RACK1: variants seen among roughly 807,000 people sequenced by gnomAD.
RACK1 encodes the protein receptor for activated C kinase 1.
In RACK1, 3 loss-of-function variants were observed where a neutral mutation model predicts 42.2. The observed-to-expected ratio is 0.07, with a 90% CI of 0.03 to 0.18. The LOEUF (loss-of-function observed/expected upper bound fraction) is 0.18, where lower values mean the gene tolerates loss of function less well. Among genes scored for constraint, RACK1 ranks in the 10% least tolerant of loss-of-function variants. The pLI, the probability that RACK1 is intolerant of heterozygous loss-of-function variation, is 1.00. For missense variants in RACK1, 146 were observed against 403.2 expected, an observed-to-expected ratio of 0.36 and a Z score of 5.46; for synonymous variants, 181 against 154.8, an observed-to-expected ratio of 1.17 and a Z score of -1.25.
Position 181,236,948 on chromosome 5 carries a change from T to C in RACK1, c.*29A>G. 1 of 1,567,308 alleles carries C rather than the reference T, an allele frequency of 6.4e-7. No homozygotes were observed. The highest frequency in any genetic ancestry group is 8.6e-7 in the Non-Finnish European group (1 of 1,162,844). On this transcript the variant is annotated 3_prime_UTR_variant, in exon 8 of 8. Coordinates refer to ENST00000512805, the MANE Select transcript of RACK1 (RefSeq NM_006098.5). The stretch of plus-strand genomic sequence containing the variant: ...TAAAAGTCAGAAAAGCCAGTTTTTT[T>C]TTTATTTGTAAAGCTCTGCCATAAA...
intron 1 of RACK1, 170 bp downstream of exon 1, chr5:181,243,522 G>A (rs918220284): frequency 2.1e-6 from 3 of 1,404,542 alleles, no homozygotes; most frequent in Non-Finnish European, 2.9e-6. Flanking sequence ...CCGGGTTGAG[G>A]CCTAGGCTCG....
intron 6 of RACK1, 139 bp from the exon 7 acceptor site, chr5:181,237,858 G>C: frequency 1.5e-6 from 1 of 660,902 alleles, no homozygotes; most frequent in Non-Finnish European, 2.7e-6. Context: ...TGCATTTTCA[G>C]TTGCCACTAG....
chr5:181,243,089 T>C, intron 1 of RACK1: 1 of 398,662 alleles, frequency 2.5e-6, no homozygotes, highest in Non-Finnish European at 4.7e-6. Context: ...TACTGAAACC[T>C]GTCCCACTCA....
At chr5:181,242,558 A>G (rs781387972) in intron 1 of RACK1, 2 of 659,046 alleles carry the variant, frequency 3.0e-6, no homozygotes, top group Non-Finnish European at 5.6e-6. Context: ...CTGTACCCTG[A>G]TAACTTTTTT....
chr5:181,238,571 G>A (rs772915685), intron 5 of RACK1: 5 of 339,304 alleles, frequency 1.5e-5, no homozygotes, highest in East Asian at 1.6e-4. Context: ...TTGGGAAGCC[G>A]AGGTGGGCGG....
Position 181,241,503 on chromosome 5 carries a change from A to G in RACK1, c.418T>C (p.Tyr140His). 6.2e-7 allele frequency: 1 copy of G among 1,611,738 alleles called. No homozygotes were observed. The highest frequency in any genetic ancestry group is 8.5e-7 in the Non-Finnish European group (1 of 1,179,284). Residue 140 changes from tyrosine to histidine, a missense_variant, in exon 3 of 8, where the codon TAC (tyrosine) becomes CAC (histidine). Coordinates refer to ENST00000512805, the MANE Select transcript of RACK1 (RefSeq NM_006098.5). ...KLWNTLGVCK[Y>H]TVQDESHSEW... Reference sequence around the variant, plus strand: ...ATGGCTCACTTTACCTGGACAGTGTATTTGCACACACCCAGGGTATTCCAT... The same window carrying G: ...ATGGCTCACTTTACCTGGACAGTGTGTTTGCACACACCCAGGGTATTCCAT...
At position 181,239,610 on chromosome 5, in the gene RACK1, C is replaced by T. The variant is rs1302507842; in HGVS notation, c.430-28G>A. 3 of 1,446,518 alleles carry T rather than the reference C, an allele frequency of 2.1e-6. No homozygotes were observed. In the African/African-American group the frequency reaches 4.2e-5, roughly 20 times the overall value. 89.6% of individuals were successfully genotyped at this position (1,446,518 alleles called of 1,614,324 possible). On this transcript the variant is annotated intron_variant, in intron 3 of 7. Coordinates refer to ENST00000512805, the MANE Select transcript of RACK1 (RefSeq NM_006098.5). ...ACAGAAGATGGAAAGGAAATTAGGGCAAACAGTCCTATCCCATGAAATGCT... is the reference window on the plus strand; with the variant it reads ...ACAGAAGATGGAAAGGAAATTAGGGTAAACAGTCCTATCCCATGAAATGCT...
chr5:181,239,674 G>C, intron 3 of RACK1, 92 bp from the exon 4 acceptor site: 1 of 761,486 alleles, frequency 1.3e-6, no homozygotes, highest in South Asian at 1.7e-5. Context: ...ATGATGGCTG[G>C]CAGCACCTTT....
At position 181,236,908 on chromosome 5, in the gene RACK1, T is replaced by C. The variant is rs900001120; in HGVS notation, c.*69A>G. On this transcript the variant is annotated 3_prime_UTR_variant, in exon 8 of 8. Coordinates refer to ENST00000512805, the MANE Select transcript of RACK1 (RefSeq NM_006098.5). Reference sequence around the variant, plus strand: ...AGATAGAATGGAGCTTTTTTGCATATAAGAAAAAAAAACCTAAAAGTCAGA... The same window carrying C: ...AGATAGAATGGAGCTTTTTTGCATACAAGAAAAAAAAACCTAAAAGTCAGA... 13 of 1,528,836 alleles carry C rather than the reference T, an allele frequency of 8.5e-6. No individual in the cohort carries two copies. The African/African-American group carries it at 1.6e-4, about 18-fold the overall frequency. The allele number at this position is 1,528,836 out of a possible 1,614,324, so 94.7% of individuals were successfully genotyped here. A position where few individuals can be genotyped will look rare whatever the true frequency, so the allele number is the denominator to read the frequency against.
At chr5:181,240,661 G>A (rs545290324) in intron 3 of RACK1, among the ~76,000 whole-genome samples, 25 of 150,512 alleles carry the variant, frequency 1.7e-4, no homozygotes, top group South Asian at 4.2e-4. Flanking sequence ...CCAAATCTGC[G>A]ATCTAGCCCA....
At chr5:181,242,435 T>TG in intron 1 of RACK1, 90 bp from the exon 2 acceptor site, 1 of 865,596 alleles carries the variant, frequency 1.2e-6, no homozygotes. Context: ...AGGTCATGAG[T>TG]GGGTTAACAA....
intron 5 of RACK1, 91 bp from the exon 6 acceptor site, chr5:181,238,330 C>CT: frequency 7.3e-7 from 1 of 1,361,166 alleles, no homozygotes; most frequent in Non-Finnish European, 1.0e-6. Flanking sequence ...CAATTCTTAC[C>CT]TTTCCTCCAT....
chr5:181,239,987 A>G (rs551644845), intron 3 of RACK1, among the ~76,000 whole-genome samples: 10 of 152,256 alleles, frequency 6.6e-5, no homozygotes, highest in East Asian at 1.9e-4. Flanking sequence ...GAAGGGTGCA[A>G]TGAGCCAAGA....
chr5:181,241,406 G>A, intron 3 of RACK1, 86 bp downstream of exon 3: 2 of 1,237,480 alleles, frequency 1.6e-6, no homozygotes, highest in Non-Finnish European at 2.2e-6. Flanking sequence ...CTCCAGCTTG[G>A]GCAAGAGTGA....
chr5:181,237,433 G>A, intron 7 of RACK1, 176 bp downstream of exon 7: 1 of 672,670 alleles, frequency 1.5e-6, no homozygotes, highest in Non-Finnish European at 2.7e-6. Flanking sequence ...TCTTCCCTCT[G>A]ATGCAGAAAC....
chr5:181,239,594 G>A lies in RACK1; in HGVS notation c.430-12C>T. ...GAGTGGCTCTCATCCTACAGAAGATGGAAAGGAAATTAGGGCAAACAGTCC... is the reference window on the plus strand; with the variant it reads ...GAGTGGCTCTCATCCTACAGAAGATAGAAAGGAAATTAGGGCAAACAGTCC... On this transcript the variant is annotated splice_polypyrimidine_tract_variant and intron_variant, in intron 3 of 7. Coordinates refer to ENST00000512805, the MANE Select transcript of RACK1 (RefSeq NM_006098.5). The A allele has an allele frequency of 6.3e-7, 1 of 1,590,740 alleles. No individual in the cohort carries two copies. The highest frequency in any genetic ancestry group is 8.6e-7 in the Non-Finnish European group (1 of 1,159,008).
intron 2 of RACK1, 122 bp from the exon 3 acceptor site, chr5:181,241,761 G>A (rs1759354729): frequency 9.4e-7 from 1 of 1,066,816 alleles, no homozygotes; most frequent in Middle Eastern, 2.0e-4. Context: ...ATTTGGCTCT[G>A]ATCACAGAGT....
chr5:181,241,417 G>T, intron 3 of RACK1, 75 bp downstream of exon 3: 1 of 1,233,222 alleles, frequency 8.1e-7, no homozygotes, highest in Non-Finnish European at 1.1e-6. Flanking sequence ...GCAAGAGTGA[G>T]ACTGTCGCCA....
chr5:181,238,037 C>T, intron 6 of RACK1, 62 bp downstream of exon 6: 4 of 1,583,048 alleles, frequency 2.5e-6, no homozygotes, highest in South Asian at 1.1e-5. Context: ...TATATAATAA[C>T]CAAAACATTG....
Sources: gnomAD v4.1 joint callset for allele counts (sites outside exome capture counted in the v4.1 genomes callset) on GRCh38, gnomAD v4.1.1 for gene constraint, MANE v1.5 for transcripts, NCBI Gene and HGNC (gene_info 2026-07-23, HGNC 2026-07-21) for gene names.